The following SFMBT2 variants were observed in gnomAD, a reference collection of about 807,000 sequenced individuals.
The protein encoded by SFMBT2 is Scm like with four mbt domains 2, also known as scm-like with four MBT domains protein 2.
SFMBT2 carries 38 observed loss-of-function variants against 110.1 expected under a neutral mutation model. The observed-to-expected ratio is 0.35, with a 90% CI of 0.27 to 0.45. The LOEUF is 0.45. SFMBT2 is among the 20% of genes least tolerant of loss of function. The probability of loss-of-function intolerance (pLI) is 1.00; values close to 1 mark genes in which losing one functional copy is unlikely to be tolerated. For synonymous variants in SFMBT2, 425 were observed against 425.4 expected (o/e 1.00, Z 0.01); for missense variants, 1,011 against 1,094.9 (o/e 0.92, Z 1.08).
chr10:7,190,603 C>G (rs557114124), intron 15 of SFMBT2, among the ~76,000 whole-genome samples: 3 of 152,334 alleles, frequency 2.0e-5, no homozygotes, highest in East Asian at 3.9e-4. Flanking sequence ...AATTTCTGTG[C>G]ACATGACAAT....
At chr10:7,349,468 CG>C (rs1223364850) in intron 4 of SFMBT2, among the ~76,000 whole-genome samples, 2 of 7,602 alleles carry the variant, frequency 2.6e-4, no homozygotes, top group Admixed American at 1.6e-3. Flanking sequence ...TTTTTTTTTG[CG>C]GGGGGGAGAC....
At chr10:7,277,739 A>T (rs1841828794) in intron 6 of SFMBT2, among the ~76,000 whole-genome samples, 1 of 152,190 alleles carries the variant, frequency 6.6e-6, no homozygotes, top group Admixed American at 6.5e-5. Flanking sequence ...TCAAAATAGG[A>T]TTTGCAGAAG....
At chr10:7,169,814 A>T (rs889173573) in intron 20 of SFMBT2, among the ~76,000 whole-genome samples, 8 of 152,224 alleles carry the variant, frequency 5.3e-5, no homozygotes, top group Non-Finnish European at 7.3e-5. Context: ...CTTCCTTAGG[A>T]CACAGCATCA....
chr10:7,346,009 G>A (rs1844096869), intron 4 of SFMBT2, among the ~76,000 whole-genome samples: 1 of 152,144 alleles, frequency 6.6e-6, no homozygotes, highest in Non-Finnish European at 1.5e-5. Flanking sequence ...ACCATGTGTA[G>A]GACAAAAATA....
At chr10:7,179,994 CTGAG>C (rs1162123350) in intron 16 of SFMBT2, among the ~76,000 whole-genome samples, 3 of 152,212 alleles carry the variant, frequency 2.0e-5, no homozygotes, top group Non-Finnish European at 2.9e-5. Flanking sequence ...GTAGAGGGGA[CTGAG>C]TAAGGATAGG....
intron 16 of SFMBT2, among the ~76,000 whole-genome samples, chr10:7,181,873 G>T (rs1838254972): frequency 6.6e-6 from 1 of 152,158 alleles, no homozygotes; most frequent in Non-Finnish European, 1.5e-5. Flanking sequence ...TTACCAACTG[G>T]CTGGGAATTA....
chr10:7,170,422 C>T lies in SFMBT2; in HGVS notation c.2544+506G>A, dbSNP rs1437675167. 1.3e-5 allele frequency among the ~76,000 whole-genome samples: 2 copies of T among 152,150 alleles called. No homozygotes were observed. The highest frequency in any genetic ancestry group is 4.8e-5 in the African/African-American group (2 of 41,430). ...ACATCACAGGGAGGGCTGGACGGAC[C>T]CCACTGAGAGCAGCCAAGGCAGAGT... On this transcript the variant is annotated intron_variant, in intron 20 of 20. Coordinates refer to ENST00000397167, the MANE Select transcript of SFMBT2 (RefSeq NM_001387889.1). This position sits in a 1 kb window ranked among gnomAD's most constrained non-coding sequence, Gnocchi z 4.6.
intron 12 of SFMBT2, 73 bp from the exon 13 acceptor site, chr10:7,202,595 AT>A: frequency 6.2e-7 from 1 of 1,611,184 alleles, no homozygotes; most frequent in East Asian, 2.2e-5. Flanking sequence ...AAAATAGGTT[AT>A]AAAGCAAAGA....
chr10:7,278,062 C>T (rs1402256598), intron 6 of SFMBT2, among the ~76,000 whole-genome samples: 1 of 152,346 alleles, frequency 6.6e-6, no homozygotes, highest in South Asian at 2.1e-4. Flanking sequence ...TTGTTACTTA[C>T]ACAAAGACAC....
chr10:7,339,071 C>G (rs987939808), intron 4 of SFMBT2, among the ~76,000 whole-genome samples: 7 of 152,134 alleles, frequency 4.6e-5, no homozygotes, highest in African/African-American at 1.4e-4. Flanking sequence ...AAAACCCCGT[C>G]TCTACTAAAA....
chr10:7,226,527 G>A (rs1417394498), intron 10 of SFMBT2, among the ~76,000 whole-genome samples: 1 of 152,124 alleles, frequency 6.6e-6, no homozygotes, highest in Non-Finnish European at 1.5e-5. Context: ...TGACCAGCGA[G>A]TGCTTTGCAC....
Position 7,285,662 on chromosome 10 carries a change from G to A in SFMBT2, c.525+204C>T, listed in dbSNP as rs1842063697. On this transcript the variant is annotated intron_variant, in intron 5 of 20. Coordinates refer to ENST00000397167, the MANE Select transcript of SFMBT2 (RefSeq NM_001387889.1). ...AGAGCAAATTTTCCATTTGCTGATT[G>A]CATCACAGGGGAAGTTTCATCAATG... The A allele has an allele frequency of 1.3e-5, 7 of 528,788 alleles. 1 individual carries two copies. The East Asian group carries it at 2.2e-4, about 17-fold the overall frequency. The allele number at this position is 528,788 out of a possible 1,614,324, so 32.8% of individuals were successfully genotyped here. A position where few individuals can be genotyped will look rare whatever the true frequency, so the allele number is the denominator to read the frequency against.
intron 2 of SFMBT2, among the ~76,000 whole-genome samples, chr10:7,376,608 AGAAT>A (rs1179647733): frequency 6.7e-6 from 1 of 149,210 alleles, no homozygotes; most frequent in Admixed American, 6.7e-5. Context: ...CTGAGGCAGG[AGAAT>A]GGCGTGAACC....
intron 1 of SFMBT2, among the ~76,000 whole-genome samples, chr10:7,402,426 G>A (rs917368417): frequency 1.1e-4 from 17 of 152,142 alleles, no homozygotes; most frequent in African/African-American, 4.1e-4. Context: ...GATTAGCCGG[G>A]GTCACACCAA....
chr10:7,219,469 T>C (rs561537498), intron 11 of SFMBT2, among the ~76,000 whole-genome samples: 32 of 152,348 alleles, frequency 2.1e-4, no homozygotes, highest in Admixed American at 4.6e-4. Flanking sequence ...ATGTATGAGA[T>C]TGTAGGCTTA....
At chr10:7,280,387 A>AC (rs1841915768) in intron 6 of SFMBT2, among the ~76,000 whole-genome samples, 1 of 149,726 alleles carries the variant, frequency 6.7e-6, no homozygotes, top group Non-Finnish European at 1.5e-5. Context: ...CACTAAAAAA[A>AC]TGGGGGGAGG....
At chr10:7,399,180 T>G (rs916871192) in intron 1 of SFMBT2, among the ~76,000 whole-genome samples, 1 of 152,168 alleles carries the variant, frequency 6.6e-6, no homozygotes, top group Non-Finnish European at 1.5e-5. Flanking sequence ...TAGCTGGAGA[T>G]TCCTACAACT....
chr10:7,393,011 ATATATATATATATATATATATATAAT>A (rs1564472997), intron 1 of SFMBT2, among the ~76,000 whole-genome samples: 5 of 89,608 alleles, frequency 5.6e-5, no homozygotes, highest in East Asian at 5.2e-4. Flanking sequence ...ATATATATAT[ATATATATATATATATATATATATAAT>A]TTTTTTTTTT....
At chr10:7,299,019 T>C (rs1588428938) in intron 4 of SFMBT2, among the ~76,000 whole-genome samples, 1 of 152,318 alleles carries the variant, frequency 6.6e-6, no homozygotes, top group Middle Eastern at 3.4e-3. Context: ...GAAAGCAGCC[T>C]GGCCAACATG....
Sources: allele counts gnomAD v4.1 joint callset (sites outside exome capture counted in the v4.1 genomes callset), GRCh38; gene constraint gnomAD v4.1.1; non-coding constraint Gnocchi (gnomAD v3.1); transcripts MANE v1.5; gene names NCBI Gene and HGNC (gene_info 2026-07-23, HGNC 2026-07-21).